TENT2: variants seen among roughly 807,000 people sequenced by gnomAD.
The protein encoded by TENT2 is terminal nucleotidyltransferase 2, also known as poly(A) RNA polymerase GLD2.
TENT2 carries 44 observed loss-of-function variants against 72.2 expected under a neutral mutation model. That is an observed-to-expected ratio of 0.61 (90% CI 0.48 to 0.78). The LOEUF is 0.78. Ranked by LOEUF, TENT2 falls within the 30% of genes least tolerant of loss-of-function variation. The pLI is 0.00. For missense variants in TENT2, 541 were observed against 569.6 expected (o/e 0.95, Z 0.51); for synonymous variants, 212 against 192.5 (o/e 1.10, Z -0.84).
In TENT2 at chr5:79,640,934, G is replaced by C; in HGVS notation, c.549G>C (p.Gln183His). 1.9e-6 allele frequency: 3 copies of C among 1,610,556 alleles called. No individual in the cohort carries two copies. In the South Asian group the frequency reaches 3.3e-5, roughly 18 times the overall value. Residue 183 changes from glutamine to histidine, a missense_variant, in exon 5 of 15, where the codon CAG (glutamine) becomes CAC (histidine). Gln to His is a conservative substitution (Grantham distance 24, BLOSUM62 0). Coordinates refer to ENST00000453514, the MANE Select transcript of TENT2 (RefSeq NM_001114394.3). ...DLKKKELCRT[Q>H]LQREIQLLFP... is the part of the protein sequence containing the mutation. ...AGAAGAAAGAACTCTGTCGAACACA[G>C]CTGCAGAGAGAAATTCAGCTGTTAT...
chr5:79,672,783 G>A (rs1384768356), intron 12 of TENT2, among the ~76,000 whole-genome samples: 4 of 152,206 alleles, frequency 2.6e-5, no homozygotes, highest in South Asian at 2.1e-4. Context: ...GTGCAGATAT[G>A]TCTTCAGTAT....
rs1369596092 is a variant in TENT2 at position 79,613,539 on chromosome 5, C to T, written c.-38+464C>T. ...GTTCAGTACCACCAGGCTTCTAACA[C>T]GTACTGATTAACAGCCATAAGGCTA... On this transcript the variant is annotated intron_variant, in intron 1 of 14. Transcript: ENST00000453514. Among the ~76,000 whole-genome samples, 3 of 152,154 alleles carry T rather than the reference C, an allele frequency of 2.0e-5. No individual in the cohort carries two copies. In the South Asian group the frequency reaches 6.2e-4, roughly 31 times the overall value.
In TENT2 at chr5:79,641,104, G is replaced by A; in HGVS notation, c.581-1G>A. 6.4e-7 allele frequency: 1 copy of A among 1,568,046 alleles called. No homozygotes were observed. Among genetic ancestry groups the A allele is most frequent in the Non-Finnish European group, 8.6e-7 (1 of 1,166,234 alleles). ...CTTATTACTTTCTTCTGTTTCTTTAGAAAGCAGACTTTTTTTGGTTGGGTC... is the reference window on the plus strand; with the variant it reads ...CTTATTACTTTCTTCTGTTTCTTTAAAAAGCAGACTTTTTTTGGTTGGGTC... On this transcript the variant is annotated splice_acceptor_variant, in intron 5 of 14. Transcript: ENST00000453514. LOFTEE classifies it high-confidence loss of function.
chr5:79,671,725 G>A (rs544734562), intron 12 of TENT2, among the ~76,000 whole-genome samples: 6 of 152,108 alleles, frequency 3.9e-5, no homozygotes, highest in Non-Finnish European at 8.8e-5. Flanking sequence ...TCTTTTTTCT[G>A]AAAGACAAAA....
At chr5:79,614,242 A>G (rs1217659591) in intron 1 of TENT2, among the ~76,000 whole-genome samples, 2 of 151,880 alleles carry the variant, frequency 1.3e-5, no homozygotes, top group South Asian at 2.1e-4. Flanking sequence ...AGCTGGGATT[A>G]CAGGCACGTG....
chr5:79,617,546 C>T (rs903553748), intron 1 of TENT2: 21 of 152,284 alleles, frequency 1.4e-4, no homozygotes, highest in African/African-American at 4.6e-4. Flanking sequence ...TCTTGAAGCC[C>T]TGCATCCTCC....
At chr5:79,666,029 G>C (rs895409467) in intron 11 of TENT2, among the ~76,000 whole-genome samples, 5 of 150,426 alleles carry the variant, frequency 3.3e-5, no homozygotes, top group Admixed American at 3.3e-4. Context: ...TGTTACCCAG[G>C]CTGGGATGGA....
At chr5:79,618,908 G>A (rs1434545299) in intron 1 of TENT2, among the ~76,000 whole-genome samples, 2 of 152,086 alleles carry the variant, frequency 1.3e-5, no homozygotes, top group African/African-American at 4.8e-5. Flanking sequence ...AGTGGGCTGA[G>A]GGGTCCTATT....
Position 79,658,220 on chromosome 5 carries a change from AATT to A in TENT2, c.1071+1225_1071+1227del, listed in dbSNP as rs1473433103. On this transcript the variant is annotated intron_variant, in intron 11 of 14. Coordinates refer to ENST00000453514, the MANE Select transcript of TENT2 (RefSeq NM_001114394.3). ...TAAACTAGTTTCTGCTATTATGAAG[AATT>A]ATTATAATGAGTTTCCAGTATAGCT... Among the ~76,000 whole-genome samples, 3 of 152,192 alleles carry A rather than the reference AATT, an allele frequency of 2.0e-5. No homozygotes were observed. The East Asian group carries it at 5.8e-4, about 29-fold the overall frequency.
chr5:79,667,228 A>C (rs1316601290), intron 11 of TENT2, among the ~76,000 whole-genome samples: 2 of 152,220 alleles, frequency 1.3e-5, no homozygotes, highest in Non-Finnish European at 1.5e-5. Flanking sequence ...TATTCAGTTC[A>C]TAAATTGAAT....
chr5:79,685,274 C>T lies in TENT2; in HGVS notation c.*1C>T. On this transcript the variant is annotated 3_prime_UTR_variant, in exon 15 of 15. Transcript: ENST00000453514. ...AAGAGCTGCTGTCCTGAAAAGATAACTGGCCTCTATTTCTTAATAAATTCT... is the reference window on the plus strand; with the variant it reads ...AAGAGCTGCTGTCCTGAAAAGATAATTGGCCTCTATTTCTTAATAAATTCT... 2 of 1,577,714 alleles carry T rather than the reference C, an allele frequency of 1.3e-6. No homozygotes were observed. The highest frequency in any genetic ancestry group is 1.7e-6 in the Non-Finnish European group (2 of 1,161,502).
At position 79,670,386 on chromosome 5, in the gene TENT2, G is replaced by A. The variant is rs532297293; in HGVS notation, c.1208+1358G>A. 9.9e-5 allele frequency among the ~76,000 whole-genome samples: 15 copies of A among 151,744 alleles called. No homozygotes were observed. In the South Asian group the frequency reaches 2.7e-3, roughly 27 times the overall value. On this transcript the variant is annotated intron_variant, in intron 12 of 14. Coordinates refer to ENST00000453514, the MANE Select transcript of TENT2 (RefSeq NM_001114394.3). ...GTTGCCCAGGCTGGAGTGCAGTGGC[G>A]TGATCTCGGCTCACTGCAACCTCTG...
intron 7 of TENT2, among the ~76,000 whole-genome samples, chr5:79,643,852 C>A (rs1786433505): frequency 6.6e-6 from 1 of 151,912 alleles, no homozygotes; most frequent in African/African-American, 2.4e-5. Context: ...AACTGGTGAT[C>A]AATGGATTTA....
intron 12 of TENT2, 132 bp downstream of exon 12, chr5:79,669,160 TGTAAA>T: frequency 1.8e-6 from 2 of 1,118,450 alleles, no homozygotes; most frequent in Non-Finnish European, 2.4e-6. Flanking sequence ...CTTCCAGTGT[TGTAAA>T]GTTGTCCAGA....
intron 4 of TENT2, among the ~76,000 whole-genome samples, chr5:79,637,520 A>G (rs1004567649): frequency 6.6e-6 from 1 of 151,896 alleles, no homozygotes; most frequent in Admixed American, 6.6e-5. Flanking sequence ...TCGACCTCCC[A>G]GGCTCAAGCG....
At chr5:79,652,655 G>C (rs774373604) in intron 10 of TENT2, among the ~76,000 whole-genome samples, 5 of 151,856 alleles carry the variant, frequency 3.3e-5, no homozygotes, top group Non-Finnish European at 7.4e-5. Flanking sequence ...AGTAGTTCAG[G>C]CTAATCTTAA....
intron 1 of TENT2, among the ~76,000 whole-genome samples, chr5:79,618,373 A>G (rs983276771): frequency 1.3e-5 from 2 of 151,298 alleles, no homozygotes; most frequent in African/African-American, 4.9e-5. Context: ...ACCATAGGCA[A>G]ACACTACTGT....
intron 12 of TENT2, among the ~76,000 whole-genome samples, chr5:79,673,486 G>T (rs371035217): frequency 3.9e-5 from 6 of 152,064 alleles, no homozygotes; most frequent in Admixed American, 2.6e-4. Context: ...AAGAGATAGG[G>T]TTCTAGTTTC....
At chr5:79,675,897 A>G (rs941986851) in intron 12 of TENT2, among the ~76,000 whole-genome samples, 10 of 152,108 alleles carry the variant, frequency 6.6e-5, no homozygotes, top group Non-Finnish European at 1.2e-4. Context: ...ATTGGAGCCT[A>G]AGGTGTGTAC....
Sources: gnomAD v4.1 joint callset for allele counts (sites outside exome capture counted in the v4.1 genomes callset) on GRCh38, gnomAD v4.1.1 for gene constraint, MANE v1.5 for transcripts, NCBI Gene and HGNC (gene_info 2026-07-23, HGNC 2026-07-21) for gene names.